ASTN1: variants seen among roughly 807,000 people sequenced by gnomAD.
The protein encoded by ASTN1 is astrotactin-1.
Under a neutral mutation model 140.7 loss-of-function variants are expected in ASTN1, and 41 were observed. That is an observed-to-expected ratio of 0.29 (90% CI 0.23 to 0.38). The LOEUF is 0.38. Ranked by LOEUF, ASTN1 falls within the 10% of genes least tolerant of loss-of-function variation. The probability of loss-of-function intolerance (pLI) is 1.00; values close to 1 mark genes in which losing one functional copy is unlikely to be tolerated. For synonymous variants in ASTN1, 640 were observed against 652.2 expected, an observed-to-expected ratio of 0.98 and a Z score of 0.29; for missense variants, 1,479 against 1,678.8, an observed-to-expected ratio of 0.88 and a Z score of 2.08.
At chr1:176,883,953 A>AT (rs1553221140) in intron 19 of ASTN1, among the ~76,000 whole-genome samples, 2 of 151,994 alleles carry the variant, frequency 1.3e-5, no homozygotes, top group Non-Finnish European at 2.9e-5. Context: ...TAGCAAAGGA[A>AT]TTTTTTTTCT....
At chr1:177,036,209 C>T in intron 2 of ASTN1, among the ~76,000 whole-genome samples, 1 of 151,826 alleles carries the variant, frequency 6.6e-6, no homozygotes, top group East Asian at 1.9e-4. Context: ...CACCACCACG[C>T]CCGGCTAATT....
intron 9 of ASTN1, among the ~76,000 whole-genome samples, chr1:176,962,776 G>A (rs1261306074): frequency 1.3e-5 from 2 of 152,296 alleles, no homozygotes; most frequent in Non-Finnish European, 2.9e-5. Flanking sequence ...TTTGCTCTGG[G>A]TATGATCATC....
chr1:177,124,766 T>A (rs907617345), intron 1 of ASTN1, among the ~76,000 whole-genome samples: 1 of 152,050 alleles, frequency 6.6e-6, no homozygotes, highest in African/African-American at 2.4e-5. Flanking sequence ...GGAGTGGGAG[T>A]AAGTTAGCAC....
intron 1 of ASTN1, among the ~76,000 whole-genome samples, chr1:177,099,631 T>C (rs1680205466): frequency 6.6e-6 from 1 of 152,204 alleles, no homozygotes; most frequent in South Asian, 2.1e-4. Context: ...AATTCAGTAC[T>C]TTGCCAATAT....
At chr1:177,017,867 A>G (rs981254870) in intron 7 of ASTN1, among the ~76,000 whole-genome samples, 5 of 152,192 alleles carry the variant, frequency 3.3e-5, no homozygotes, top group South Asian at 2.1e-4. Flanking sequence ...GTCACTTCCC[A>G]TTCTACAGCT....
At chr1:177,120,924 G>A (rs1002072052) in intron 1 of ASTN1, among the ~76,000 whole-genome samples, 1 of 152,168 alleles carries the variant, frequency 6.6e-6, no homozygotes, top group Non-Finnish European at 1.5e-5. Context: ...TCATCCTATT[G>A]CTTGTATGTT....
chr1:177,074,555 A>C (rs1678797601), intron 1 of ASTN1, among the ~76,000 whole-genome samples: 1 of 152,170 alleles, frequency 6.6e-6, no homozygotes. Flanking sequence ...AATCCCTTAC[A>C]CTCATGCTAG....
At chr1:176,889,394 C>T (rs1167814867) in intron 17 of ASTN1, among the ~76,000 whole-genome samples, 1 of 152,194 alleles carries the variant, frequency 6.6e-6, no homozygotes, top group African/African-American at 2.4e-5. Flanking sequence ...TTCATTCTCA[C>T]TACATTCACA....
chr1:176,934,471 T>C lies in ASTN1; in HGVS notation c.2483-131A>G, dbSNP rs145334474. The C allele has an allele frequency of 1.6e-4, 135 of 853,324 alleles. 1 individual carries two copies. In the East Asian group the frequency reaches 3.6e-3, roughly 23 times the overall value. The allele number at this position is 853,324 out of a possible 1,614,324, so 52.9% of individuals were successfully genotyped here. On this transcript the variant is annotated intron_variant, in intron 15 of 22. Coordinates refer to ENST00000361833, the MANE Select transcript of ASTN1 (RefSeq NM_004319.3). ...GTGATGTGGGAGAGCTAGCTAGAAG[T>C]GTCTGGTGAATGTTTCCATTTAGCT...
chr1:176,926,620 A>C (rs1208577027), intron 16 of ASTN1, among the ~76,000 whole-genome samples: 1 of 152,212 alleles, frequency 6.6e-6, no homozygotes, highest in African/African-American at 2.4e-5. Context: ...TGTTGAATGA[A>C]TGAATGAATT....
rs1043897997 is a variant in ASTN1 at position 176,931,864 on chromosome 1, T to C, written c.2671+2288A>G. ...TTGAATAAGGCAAAGAACCTACTCATGAGAATTCTATGACTTTGTAGAGAG... is the reference window on the plus strand; with the variant it reads ...TTGAATAAGGCAAAGAACCTACTCACGAGAATTCTATGACTTTGTAGAGAG... On this transcript the variant is annotated intron_variant, in intron 16 of 22. Transcript: ENST00000361833. 8.5e-5 allele frequency among the ~76,000 whole-genome samples: 13 copies of C among 152,302 alleles called. No homozygotes were observed. In the East Asian group the frequency reaches 1.4e-3, roughly 16 times the overall value.
intron 8 of ASTN1, among the ~76,000 whole-genome samples, chr1:177,007,580 C>A (rs2101925447): frequency 6.6e-6 from 1 of 152,212 alleles, no homozygotes; most frequent in Non-Finnish European, 1.5e-5. Flanking sequence ...TCTGTGGGAG[C>A]TTGTCAAATG....
Position 176,861,618 on chromosome 1 carries a change from A to T in ASTN1, c.*2666T>A, listed in dbSNP as rs1250794373. 1 of 985,418 alleles carries T rather than the reference A, an allele frequency of 1.0e-6. No individual in the cohort carries two copies. The highest frequency in any genetic ancestry group is 1.2e-6 in the Non-Finnish European group (1 of 829,990). 61.0% of individuals were successfully genotyped at this position (985,418 alleles called of 1,614,324 possible). A position where few individuals can be genotyped will look rare whatever the true frequency, so the allele number is the denominator to read the frequency against. On this transcript the variant is annotated 3_prime_UTR_variant, in exon 23 of 23. Coordinates refer to ENST00000361833, the MANE Select transcript of ASTN1 (RefSeq NM_004319.3). ...TAAGATTTTCCCCTGCCCTGTTCAT[A>T]TCAGCCTTTTTAACTTGAATGTAAG...
At chr1:176,975,783 C>T (rs892860699) in intron 8 of ASTN1, among the ~76,000 whole-genome samples, 1 of 152,176 alleles carries the variant, frequency 6.6e-6, no homozygotes, top group Admixed American at 6.5e-5. Flanking sequence ...TAAACTGGTC[C>T]TCAAATTTTG....
At chr1:177,028,987 T>C (rs976259621) in intron 5 of ASTN1, among the ~76,000 whole-genome samples, 1 of 152,172 alleles carries the variant, frequency 6.6e-6, no homozygotes, top group Non-Finnish European at 1.5e-5. Flanking sequence ...GTGGCCGGAA[T>C]AGCCACAGTT....
intron 16 of ASTN1, among the ~76,000 whole-genome samples, chr1:176,908,861 C>A (rs1458189063): frequency 1.3e-5 from 2 of 152,246 alleles, no homozygotes; most frequent in African/African-American, 4.8e-5. Flanking sequence ...AAACAAGAAT[C>A]TCTATACACT....
chr1:176,983,690 G>A (rs921881271), intron 8 of ASTN1, among the ~76,000 whole-genome samples: 4 of 152,078 alleles, frequency 2.6e-5, no homozygotes, highest in East Asian at 3.9e-4. Flanking sequence ...GTTTCCTTGC[G>A]TGGGCCATTT....
chr1:177,093,429 A>G (rs1257755138), intron 1 of ASTN1, among the ~76,000 whole-genome samples: 1 of 152,200 alleles, frequency 6.6e-6, no homozygotes, highest in Non-Finnish European at 1.5e-5. Context: ...TTAAGAAGGA[A>G]ATAGTCTATT....
At chr1:177,029,170 T>A (rs1676288034) in intron 5 of ASTN1, among the ~76,000 whole-genome samples, 1 of 152,102 alleles carries the variant, frequency 6.6e-6, no homozygotes, top group Non-Finnish European at 1.5e-5. Context: ...TCAAAGACAA[T>A]TACACAGATT....
Sources: gnomAD v4.1 joint callset for allele counts (sites outside exome capture counted in the v4.1 genomes callset) on GRCh38, gnomAD v4.1.1 for gene constraint, MANE v1.5 for transcripts, NCBI Gene and HGNC (gene_info 2026-07-23, HGNC 2026-07-21) for gene names.